The following ZMYND8 variants were observed in gnomAD, a reference collection of about 807,000 sequenced individuals.
The protein encoded by ZMYND8 is zinc finger MYND-type containing 8.
Under a neutral mutation model 140.8 loss-of-function variants are expected in ZMYND8, and 37 were observed. The ratio of observed to expected loss-of-function variants is 0.26; its 90% CI spans 0.20 to 0.35. The LOEUF (loss-of-function observed/expected upper bound fraction) is 0.35. Ranked by LOEUF, ZMYND8 falls within the 10% of genes least tolerant of loss-of-function variation. The pLI is 1.00. For missense variants in ZMYND8, 1,068 were observed against 1,570.0 expected (o/e 0.68, Z 5.40); for synonymous variants, 592 against 597.1 (o/e 0.99, Z 0.12).
chr20:47,218,115 CT>C (rs2036388935), intron 21 of ZMYND8, among the ~76,000 whole-genome samples: 1 of 152,196 alleles, frequency 6.6e-6, no homozygotes, highest in African/African-American at 2.4e-5. Context: ...ACCTAAAATA[CT>C]TACTAAATGG....
intron 2 of ZMYND8, among the ~76,000 whole-genome samples, chr20:47,326,758 A>C (rs1369770683): frequency 6.6e-6 from 1 of 152,194 alleles, no homozygotes; most frequent in Non-Finnish European, 1.5e-5. Flanking sequence ...TCTTCCCTGC[A>C]TCCCATGGAA....
In ZMYND8 at chr20:47,210,679, C is replaced by G. The variant is rs772107827; in HGVS notation, c.*82G>C. 6.2e-7 allele frequency: 1 copy of G among 1,611,122 alleles called. No homozygotes were observed. Among genetic ancestry groups the G allele is most frequent in the Non-Finnish European group, 8.5e-7 (1 of 1,177,890 alleles). ...ATTTTCAAGTCTGAAAGTGGCTGTT[C>G]TCCTGCCTTTGTTGTTTCTTCTTTT... On this transcript the variant is annotated 3_prime_UTR_variant, in exon 23 of 23. Coordinates refer to ENST00000471951, the MANE Select transcript of ZMYND8 (RefSeq NM_001281775.3).
chr20:47,278,453 C>T (rs1353104600), intron 10 of ZMYND8, among the ~76,000 whole-genome samples: 1 of 152,202 alleles, frequency 6.6e-6, no homozygotes, highest in East Asian at 1.9e-4. Context: ...GGACCCAACA[C>T]TGCCACGTTT....
intron 11 of ZMYND8, among the ~76,000 whole-genome samples, chr20:47,271,919 G>C (rs1055946720): frequency 6.6e-6 from 1 of 151,698 alleles, no homozygotes; most frequent in Admixed American, 6.6e-5. Flanking sequence ...CTGACCTCAA[G>C]TGATCCGCCC....
chr20:47,236,514 C>G lies in ZMYND8; in HGVS notation c.2668G>C (p.Val890Leu). Residue 890 changes from valine to leucine, a missense_variant and splice_region_variant, in exon 16 of 23, where the codon GTC (valine) becomes CTC (leucine). Val to Leu is a conservative substitution (Grantham distance 32). Around this residue, in one of 10 missense-constraint regions of ZMYND8, gnomAD observed 383 missense variants for 431.2 expected, o/e 0.89. Transcript: ENST00000471951. ...CTCTGTGTGATCTCCTTCTGCTGGA[C>G]AGCTAGGAAGGCAAAGCATCCTGAT... ...RYQTRQAVKA[V>L]QQKEITQSPS... The G allele has an allele frequency of 6.4e-7, 1 of 1,563,528 alleles. No homozygotes were observed. Among genetic ancestry groups the G allele is most frequent in the Non-Finnish European group, 8.7e-7 (1 of 1,154,080 alleles).
chr20:47,345,447 T>C (rs11696180), intron 2 of ZMYND8, among the ~76,000 whole-genome samples: 16,768 of 148,362 alleles, frequency 0.11, 993 homozygotes, highest in South Asian at 0.18. Context: ...CAGACCTGAG[T>C]GGAAGGGTAC....
At chr20:47,355,659 T>A (rs2083168475) in intron 1 of ZMYND8, 1 of 207,060 alleles carries the variant, frequency 4.8e-6, no homozygotes, top group Non-Finnish European at 8.4e-6. Flanking sequence ...CTACACTCCA[T>A]GACACAGGAG....
chr20:47,238,671 A>T, intron 15 of ZMYND8, 87 bp downstream of exon 15: 11 of 1,542,120 alleles, frequency 7.1e-6, no homozygotes, highest in Admixed American at 3.9e-5. Context: ...GAACTAAAAA[A>T]AAAAAATAAA....
At chr20:47,336,314 A>G (rs974459232) in intron 2 of ZMYND8, among the ~76,000 whole-genome samples, 8 of 152,184 alleles carry the variant, frequency 5.3e-5, no homozygotes, top group African/African-American at 1.4e-4. Flanking sequence ...AGCAAGAATG[A>G]TACTGTTCAA....
At chr20:47,332,679 C>T (rs2081053723) in intron 2 of ZMYND8, among the ~76,000 whole-genome samples, 1 of 152,136 alleles carries the variant, frequency 6.6e-6, no homozygotes. Context: ...CACTGCACTC[C>T]CGTCTGGGGA....
chr20:47,302,453 T>A lies in ZMYND8; in HGVS notation c.235-3506A>T, dbSNP rs543663980. 4.7e-4 allele frequency among the ~76,000 whole-genome samples: 71 copies of A among 152,178 alleles called. 2 individuals carry two copies. In the South Asian group the frequency reaches 0.014, roughly 31 times the overall value. On this transcript the variant is annotated intron_variant, in intron 3 of 22. Transcript: ENST00000471951. ...GCCTGAGCGAAAGAGCGAGACATCA[T>A]CTCAAAAAAATATATATCTATGTGT...
chr20:47,346,141 AAGC>A (rs1361496187), intron 2 of ZMYND8, among the ~76,000 whole-genome samples: 1 of 152,080 alleles, frequency 6.6e-6, no homozygotes, highest in Non-Finnish European at 1.5e-5. Flanking sequence ...TGGGGAAGGT[AAGC>A]AGCAGAACAG....
chr20:47,212,490 G>A (rs1055579330), intron 22 of ZMYND8, 152 bp downstream of exon 22: 35 of 838,172 alleles, frequency 4.2e-5, no homozygotes, highest in Middle Eastern at 3.5e-4. Context: ...GAGGCACAGC[G>A]AAGAAGAAAC....
intron 2 of ZMYND8, among the ~76,000 whole-genome samples, chr20:47,334,605 A>AAAAATAT (rs773739583): frequency 1.4e-5 from 2 of 141,704 alleles, no homozygotes; most frequent in South Asian, 2.2e-4. Flanking sequence ...GAAAAAAAAA[A>AAAAATAT]ATATATATAT....
chr20:47,299,427 A>G (rs2077851387), intron 3 of ZMYND8, among the ~76,000 whole-genome samples: 1 of 152,220 alleles, frequency 6.6e-6, no homozygotes, highest in Non-Finnish European at 1.5e-5. Context: ...AACAATGCTA[A>G]TGTGGTTGGA....
chr20:47,330,011 G>T (rs2080798409), intron 2 of ZMYND8, among the ~76,000 whole-genome samples: 1 of 152,150 alleles, frequency 6.6e-6, no homozygotes, highest in Admixed American at 6.6e-5. Flanking sequence ...AAGGTACTTT[G>T]AAGAGTGATT....
chr20:47,300,884 TTG>T (rs200833449), intron 3 of ZMYND8, among the ~76,000 whole-genome samples: 17,385 of 130,000 alleles, frequency 0.13, 1,071 homozygotes, highest in African/African-American at 0.15. Context: ...ACAACTAATT[TTG>T]TGTGTGTGTG....
intron 12 of ZMYND8, among the ~76,000 whole-genome samples, chr20:47,259,131 G>A (rs2074972466): frequency 6.6e-6 from 1 of 152,150 alleles, no homozygotes; most frequent in Admixed American, 6.5e-5. Flanking sequence ...TCAGCAAAGA[G>A]CTATTCTTGA....
intron 6 of ZMYND8, 39 bp from the exon 7 acceptor site, chr20:47,290,313 T>A (rs1346903561): frequency 1.3e-6 from 2 of 1,577,330 alleles, no homozygotes; most frequent in Non-Finnish European, 1.7e-6. Flanking sequence ...ACAGTGAGTC[T>A]AGACAAGCCA....
Sources: allele counts gnomAD v4.1 joint callset (sites outside exome capture counted in the v4.1 genomes callset), GRCh38; gene constraint gnomAD v4.1.1; regional missense constraint gnomAD v4.1.1; transcripts MANE v1.5; gene names NCBI Gene and HGNC (gene_info 2026-07-23, HGNC 2026-07-21).